The following CUL7 variants were observed in gnomAD, a reference collection of about 807,000 sequenced individuals.
CUL7 encodes the protein cullin 7.
A neutral mutation model predicts 177.7 loss-of-function variants in CUL7; 96 were observed. The ratio of observed to expected loss-of-function variants is 0.54; its 90% CI spans 0.46 to 0.64. The LOEUF (loss-of-function observed/expected upper bound fraction) is 0.64, where lower values mean the gene tolerates loss of function less well. Among genes scored for constraint, CUL7 ranks in the 30% least tolerant of loss-of-function variants. The pLI is 0.00. For synonymous variants in CUL7, 824 were observed against 890.2 expected, an observed-to-expected ratio of 0.93 and a Z score of 1.32; for missense variants, 1,893 against 2,187.9, an observed-to-expected ratio of 0.87 and a Z score of 2.69.
chr6:43,050,834 C>A lies in CUL7; in HGVS notation c.1233+134G>T. On this transcript the variant is annotated intron_variant, in intron 4 of 25. Transcript: ENST00000265348. The surrounding 1 kb of genome is among the most constrained non-coding windows in gnomAD (Gnocchi z 4.1). ...GAATGGCCCCCCTCTCAACTACTGA[C>A]TCTTTTCACCATTCCAATCTTACCT... The A allele has an allele frequency of 8.4e-7, 1 of 1,184,748 alleles. No individual in the cohort carries two copies. The highest frequency in any genetic ancestry group is 1.2e-6 in the Non-Finnish European group (1 of 829,850). 73.4% of individuals were successfully genotyped at this position (1,184,748 alleles called of 1,614,324 possible). A position where few individuals can be genotyped will look rare whatever the true frequency, so the allele number is the denominator to read the frequency against.
rs113606488 is a variant in CUL7, at chr6:43,040,866, A to T, written c.3806+49T>A. ...TCCAGGCCCATGAGCTGGCTCTGCC[A>T]CCATCATCCTGCCTCCCGCCAGCTC... is the stretch of plus-strand genomic sequence containing the variant. On this transcript the variant is annotated intron_variant, in intron 20 of 25. Transcript: ENST00000265348. This position sits in a 1 kb window ranked among gnomAD's most constrained non-coding sequence, Gnocchi z 4.2. 8 of 1,606,958 alleles carry T rather than the reference A, an allele frequency of 5.0e-6. No individual in the cohort carries two copies. Among genetic ancestry groups the T allele is most frequent in the Middle Eastern group, 1.7e-4 (1 of 6,044 alleles).
Position 43,046,170 on chromosome 6 carries a change from A to C in CUL7, c.2660+66T>G, listed in dbSNP as rs1466569025. On this transcript the variant is annotated intron_variant, in intron 12 of 25. Coordinates refer to ENST00000265348, the MANE Select transcript of CUL7 (RefSeq NM_014780.5). Reference sequence around the variant, plus strand: ...AGTCCAGGGGGTGGTGCTTCCCCCAAAACAAACACAGGGGCGTCACAGGAA... The same window carrying C: ...AGTCCAGGGGGTGGTGCTTCCCCCACAACAAACACAGGGGCGTCACAGGAA... The C allele has an allele frequency of 5.0e-6, 8 of 1,613,468 alleles. No individual in the cohort carries two copies. The Admixed American group carries it at 1.2e-4, about 24-fold the overall frequency.
chr6:43,039,027 A>AGGAGGGAGTTGGTGTTGGAG, intron 22 of CUL7, 40 bp from the exon 23 acceptor site: 1 of 1,448,650 alleles, frequency 6.9e-7, no homozygotes, highest in Non-Finnish European at 9.7e-7. Flanking sequence ...AGCAGGTGAA[A>AGGAGGGAGTTGGTGTTGGAG]GGAGGGAGTT....
At position 43,040,436 on chromosome 6, in the gene CUL7, C is replaced by G. The variant is rs767854529; in HGVS notation, c.4024-10G>C. On this transcript the variant is annotated splice_polypyrimidine_tract_variant and intron_variant, in intron 21 of 25. Transcript: ENST00000265348. The surrounding 1 kb of genome is among the most constrained non-coding windows in gnomAD (Gnocchi z 4.2). Reference sequence around the variant, plus strand: ...TGGCCCCAAGGCCCACCTGAAGGAGCACAGGGTTCCCAGATGCCATGGCCT... The same window carrying G: ...TGGCCCCAAGGCCCACCTGAAGGAGGACAGGGTTCCCAGATGCCATGGCCT... 2 of 1,612,216 alleles carry G rather than the reference C, an allele frequency of 1.2e-6. No individual in the cohort carries two copies. The highest frequency in any genetic ancestry group is 1.3e-5 in the African/African-American group (1 of 74,926).
intron 25 of CUL7, 97 bp from the exon 26 acceptor site, chr6:43,038,108 G>A (rs1460321108): frequency 8.6e-6 from 13 of 1,505,554 alleles, no homozygotes; most frequent in African/African-American, 4.1e-5. Context: ...AGGACAGGAT[G>A]CCCCAAGGAC....
Position 43,053,658 on chromosome 6 carries a change from C to T in CUL7, c.-45G>A, listed in dbSNP as rs1260776047. ...ACCGGGGTCCTGGCGCGAGGCCTGT[C>T]CTTCACAGAGCAAGGGACGCGGCAC... On this transcript the variant is annotated 5_prime_UTR_variant, in exon 1 of 26. Transcript: ENST00000265348. The surrounding 1 kb of genome is among the most constrained non-coding windows in gnomAD (Gnocchi z 4.1). 1.4e-6 allele frequency: 2 copies of T among 1,397,586 alleles called. No individual in the cohort carries two copies. The highest frequency in any genetic ancestry group is 1.8e-6 in the Non-Finnish European group (2 of 1,081,376). 86.6% of individuals were successfully genotyped at this position (1,397,586 alleles called of 1,614,324 possible).
Position 43,038,593 on chromosome 6 carries a change from G to T in CUL7, c.4540C>A (p.Leu1514Ile). The change falls in exon 24 of 26, where the codon CTT (leucine) becomes ATT (isoleucine). Residue 1514 changes from leucine to isoleucine, a missense_variant. Transcript: ENST00000265348. ...CCTGGTATATCCTTTTGCTCGTGAA[G>T]GTCCAGGGGGCCTCTTGAAGAGGTG... ...PLTSSRGPLD[L>I]HEQKDIPGGV... 1 of 1,614,118 alleles carries T rather than the reference G, an allele frequency of 6.2e-7. No individual in the cohort carries two copies. Among genetic ancestry groups the T allele is most frequent in the South Asian group, 1.1e-5 (1 of 91,086 alleles).
chr6:43,044,648 A>G (rs572296219), intron 16 of CUL7, 104 bp downstream of exon 16: 2 of 1,470,622 alleles, frequency 1.4e-6, no homozygotes, highest in Admixed American at 2.2e-5. Flanking sequence ...AGGTGCCAAA[A>G]GGGCCAGGAC....
In CUL7 at chr6:43,052,415, A is replaced by C; in HGVS notation, c.374T>G (p.Leu125Arg). ...AGGGATAGTGCCCACACACTCCTCC[A>C]GCTGCCGAAGGGCTCTCTGAATGAG... ...KSLIQRALRQLEECVGTIPPA... is the reference protein window; with the variant it reads ...KSLIQRALRQREECVGTIPPA... Residue 125 changes from leucine to arginine, a missense_variant, in exon 2 of 26, where the codon CTG becomes CGG. Transcript: ENST00000265348. This position sits in a 1 kb window ranked among gnomAD's most constrained non-coding sequence, Gnocchi z 4.5. The C allele has an allele frequency of 6.2e-7, 1 of 1,614,126 alleles. No individual in the cohort carries two copies. The highest frequency in any genetic ancestry group is 8.5e-7 in the Non-Finnish European group (1 of 1,179,922).
In CUL7 at chr6:43,052,925, G is replaced by A; in HGVS notation, c.-8-129C>T. 1 of 939,848 alleles carries A rather than the reference G, an allele frequency of 1.1e-6. No individual in the cohort carries two copies. 58.2% of individuals were successfully genotyped at this position (939,848 alleles called of 1,614,324 possible). On this transcript the variant is annotated intron_variant, in intron 1 of 25. Transcript: ENST00000265348. The surrounding 1 kb of genome is among the most constrained non-coding windows in gnomAD (Gnocchi z 4.5). Reference sequence around the variant, plus strand: ...CGGGGTGGGGTAAAGCCAGGCCCAGGAGTTGCATGCTGCACGCTGGGTGGG... The same window carrying A: ...CGGGGTGGGGTAAAGCCAGGCCCAGAAGTTGCATGCTGCACGCTGGGTGGG...
At position 43,044,882 on chromosome 6, in the gene CUL7, G is replaced by C. The variant is rs749469573; in HGVS notation, c.3042C>G (p.Leu1014=). 3.1e-6 allele frequency: 5 copies of C among 1,613,128 alleles called. No individual in the cohort carries two copies. Among genetic ancestry groups the C allele is most frequent in the Admixed American group, 1.7e-5 (1 of 59,996 alleles). The change falls in exon 16 of 26, where the codon CTC becomes CTG. Residue 1014 remains leucine (L), a synonymous_variant. Coordinates refer to ENST00000265348, the MANE Select transcript of CUL7 (RefSeq NM_014780.5). ...TCTGCTCCTGGCGCAGAGCACCGTT[G>C]AGTCTGGGGGTGAGAATGGAGGAGG... ...RRSLLHLSSR[L]NGALRQEQNF...
Position 43,050,365 on chromosome 6 carries a change from C to G in CUL7, c.1267G>C (p.Val423Leu). The part of the protein sequence containing the change: ...FWESTGRTYW[V>L]HWHMLEILGF... ...AAGATCTCCAGCATGTGCCAGTGCA[C>G]CCAATAGGTGCGGCCTGTTGACTCC... The change falls in exon 5 of 26, where the codon GTG becomes CTG. Residue 423 changes from valine to leucine, a missense_variant. Transcript: ENST00000265348. The surrounding 1 kb of genome is among the most constrained non-coding windows in gnomAD (Gnocchi z 4.1). 6.2e-7 allele frequency: 1 copy of G among 1,614,106 alleles called. No individual in the cohort carries two copies. Among genetic ancestry groups the G allele is most frequent in the Non-Finnish European group, 8.5e-7 (1 of 1,180,014 alleles).
rs749226321 is a variant in CUL7, at chr6:43,050,265, C to A, written c.1367G>T (p.Gly456Val). The A allele has an allele frequency of 6.2e-7, 1 of 1,614,216 alleles. No homozygotes were observed. Among genetic ancestry groups the A allele is most frequent in the East Asian group, 2.2e-5 (1 of 44,878 alleles). Residue 456 changes from glycine (G) to valine (V), a missense_variant, in exon 5 of 26, where the codon GGT becomes GTT. By Grantham distance (109) the Gly-to-Val change is moderately radical. Coordinates refer to ENST00000265348, the MANE Select transcript of CUL7 (RefSeq NM_014780.5). This position sits in a 1 kb window ranked among gnomAD's most constrained non-coding sequence, Gnocchi z 4.1. ...TGCTTCCTCCCTGAGCTCACCTCTA[C>A]CCAGGACTCTACTGGCCACTGCCCC... ...YQGAVASRVL[G>V]RALPAWRWRP...
In CUL7 at chr6:43,051,585, C is replaced by T. The variant is rs200948647; in HGVS notation, c.732+27G>A. Reference sequence around the variant, plus strand: ...GACCCTAGATCTTGTTCACAAGTTCCCCCCACCTTACACCCCCAAAGGTTA... The same window carrying T: ...GACCCTAGATCTTGTTCACAAGTTCTCCCCACCTTACACCCCCAAAGGTTA... On this transcript the variant is annotated intron_variant, in intron 3 of 25. Coordinates refer to ENST00000265348, the MANE Select transcript of CUL7 (RefSeq NM_014780.5). The surrounding 1 kb of genome is among the most constrained non-coding windows in gnomAD (Gnocchi z 5.0). 6.2e-7 allele frequency: 1 copy of T among 1,614,086 alleles called. No homozygotes were observed. Among genetic ancestry groups the T allele is most frequent in the Non-Finnish European group, 8.5e-7 (1 of 1,180,004 alleles).
Position 43,038,897 on chromosome 6 carries a change from G to A in CUL7, c.4385C>T (p.Thr1462Ile), listed in dbSNP as rs1370096244. 1 of 1,614,158 alleles carries A rather than the reference G, an allele frequency of 6.2e-7. No individual in the cohort carries two copies. Among genetic ancestry groups the A allele is most frequent in the South Asian group, 1.1e-5 (1 of 91,088 alleles). The change falls in exon 23 of 26, where the codon ACC becomes ATC. Residue 1462 changes from threonine to isoleucine, a missense_variant. Physicochemically the swap from Thr to Ile is moderately conservative, Grantham distance 89. Coordinates refer to ENST00000265348, the MANE Select transcript of CUL7 (RefSeq NM_014780.5). Reference protein sequence around the residue: ...GWAELQFGNQTLHVSTVQMWL... With the variant: ...GWAELQFGNQILHVSTVQMWL... ...CATCTGCACGGTGGACACATGCAGG[G>A]TCTGGTTCCCAAACTGCAGCTCAGC...
At chr6:43,042,030 A>AGAAAGAAAGAGAGAAG (rs745374726) in intron 19 of CUL7, among the ~76,000 whole-genome samples, 5,316 of 145,118 alleles carry the variant, frequency 0.037, 171 homozygotes, top group Middle Eastern at 0.061. Context: ...AAAAGGAAGA[A>AGAAAGAAAGAGAGAAG]GAAAGAAAGA....
intron 7 of CUL7, 113 bp from the exon 8 acceptor site, chr6:43,048,682 A>T (rs1464628808): frequency 1.3e-6 from 1 of 779,614 alleles, no homozygotes; most frequent in Non-Finnish European, 2.1e-6. Flanking sequence ...AATGTTTTAA[A>T]TTTTTTAATC....
At chr6:43,044,949 C>A in intron 15 of CUL7, 64 bp from the exon 16 acceptor site, 1 of 1,592,722 alleles carries the variant, frequency 6.3e-7, no homozygotes, top group East Asian at 2.2e-5. Flanking sequence ...TCAGTGTCCA[C>A]CCTTCCTAAG....
Position 43,050,836 on chromosome 6 carries a change from CTT to C in CUL7, c.1233+130_1233+131del, listed in dbSNP as rs1296064835. 17 of 1,220,556 alleles carry C rather than the reference CTT, an allele frequency of 1.4e-5. No individual in the cohort carries two copies. In the East Asian group the frequency reaches 1.9e-4, roughly 14 times the overall value. The allele number at this position is 1,220,556 out of a possible 1,614,324, so 75.6% of individuals were successfully genotyped here. On this transcript the variant is annotated intron_variant, in intron 4 of 25. Coordinates refer to ENST00000265348, the MANE Select transcript of CUL7 (RefSeq NM_014780.5). The surrounding 1 kb of genome is among the most constrained non-coding windows in gnomAD (Gnocchi z 4.1). ...ATGGCCCCCCTCTCAACTACTGACTCTTTTCACCATTCCAATCTTACCTAAAG... is the reference window on the plus strand; with the variant it reads ...ATGGCCCCCCTCTCAACTACTGACTCTTCACCATTCCAATCTTACCTAAAG...
Sources: gnomAD v4.1 joint callset for allele counts (sites outside exome capture counted in the v4.1 genomes callset) on GRCh38, gnomAD v4.1.1 for gene constraint, Gnocchi (gnomAD v3.1) non-coding constraint, MANE v1.5 for transcripts, NCBI Gene and HGNC (gene_info 2026-07-23, HGNC 2026-07-21) for gene names.